Variants in GALNT18 observed in about 807,000 individuals in gnomAD.
The protein encoded by GALNT18 is polypeptide N-acetylgalactosaminyltransferase 18.
Under a neutral mutation model 69.5 loss-of-function variants are expected in GALNT18, and 44 were observed. The ratio of observed to expected loss-of-function variants is 0.63; its 90% CI spans 0.50 to 0.81. GALNT18 has a LOEUF of 0.81. Among genes scored for constraint, GALNT18 ranks in the 40% least tolerant of loss-of-function variants. GALNT18 has a pLI of 0.00. For missense variants in GALNT18, 715 were observed against 810.0 expected, an observed-to-expected ratio of 0.88 and a Z score of 1.42; for synonymous variants, 364 against 318.2, an observed-to-expected ratio of 1.14 and a Z score of -1.53.
intron 3 of GALNT18, among the ~76,000 whole-genome samples, chr11:11,390,858 C>A (rs1854171870): frequency 6.6e-6 from 1 of 152,174 alleles, no homozygotes; most frequent in Admixed American, 6.5e-5. Context: ...TCAATTTAAT[C>A]CCCAGCTCTG....
At chr11:11,300,996 T>A (rs1352719644) in intron 9 of GALNT18, among the ~76,000 whole-genome samples, 1 of 152,144 alleles carries the variant, frequency 6.6e-6, no homozygotes, top group Non-Finnish European at 1.5e-5. Context: ...CAGATCGGGA[T>A]CTAGCTTGCC....
intron 1 of GALNT18, among the ~76,000 whole-genome samples, chr11:11,530,653 C>T (rs1405372666): frequency 1.3e-5 from 2 of 152,216 alleles, no homozygotes; most frequent in Non-Finnish European, 2.9e-5. Context: ...AGGCCAAGCT[C>T]CTGACCTCCA....
At chr11:11,312,225 A>G (rs1470758826) in intron 9 of GALNT18, among the ~76,000 whole-genome samples, 1 of 152,184 alleles carries the variant, frequency 6.6e-6, no homozygotes, top group African/African-American at 2.4e-5. Flanking sequence ...CTGGGATTAC[A>G]GTCGTGAGCC....
rs935720285 is a variant in GALNT18 at position 11,387,809 on chromosome 11, A to C, written c.596-8545T>G. On this transcript the variant is annotated intron_variant, in intron 3 of 10. Transcript: ENST00000227756. This position sits in a 1 kb window ranked among gnomAD's most constrained non-coding sequence, Gnocchi z 4.6. ...AGGACTCAGATGGTCCTGCTGATGAATGATGGTGAGCCTGGCTTGGGCAGC... is the reference window on the plus strand; with the variant it reads ...AGGACTCAGATGGTCCTGCTGATGACTGATGGTGAGCCTGGCTTGGGCAGC... 6.6e-6 allele frequency among the ~76,000 whole-genome samples: 1 copy of C among 152,198 alleles called. No individual in the cohort carries two copies. Among genetic ancestry groups the C allele is most frequent in the Non-Finnish European group, 1.5e-5 (1 of 68,026 alleles).
intron 1 of GALNT18, among the ~76,000 whole-genome samples, chr11:11,474,211 C>G (rs1040469187): frequency 6.6e-6 from 1 of 152,184 alleles, no homozygotes; most frequent in African/African-American, 2.4e-5. Context: ...GTGGTCAACA[C>G]AGGTCATAGG....
rs1313706591 is a variant in GALNT18 at position 11,592,291 on chromosome 11, C to G, written c.235+29068G>C. Among the ~76,000 whole-genome samples the G allele has an allele frequency of 6.6e-6, 1 of 152,110 alleles. No individual in the cohort carries two copies. The highest frequency in any genetic ancestry group is 1.5e-5 in the Non-Finnish European group (1 of 68,030). On this transcript the variant is annotated intron_variant, in intron 1 of 10. Transcript: ENST00000227756. This position sits in a 1 kb window ranked among gnomAD's most constrained non-coding sequence, Gnocchi z 5.9. ...AAGTGAAATGCTAAGAAATTATATG[C>G]ACGGTTACGAAAAAAAATCAAAGAT...
Position 11,432,270 on chromosome 11 carries a change from C to A in GALNT18, c.595+351G>T, listed in dbSNP as rs1855282161. On this transcript the variant is annotated intron_variant, in intron 3 of 10. Transcript: ENST00000227756. This position sits in a 1 kb window ranked among gnomAD's most constrained non-coding sequence, Gnocchi z 5.8. Reference sequence around the variant, plus strand: ...ATCTTCCAGGCAGAGGCTGTGGAACCCTACTAGGTGAAATGATGCATCATG... The same window carrying A: ...ATCTTCCAGGCAGAGGCTGTGGAACACTACTAGGTGAAATGATGCATCATG... 6.6e-6 allele frequency among the ~76,000 whole-genome samples: 1 copy of A among 152,154 alleles called. No individual in the cohort carries two copies. The highest frequency in any genetic ancestry group is 1.5e-5 in the Non-Finnish European group (1 of 68,030).
In GALNT18 at chr11:11,356,498, C is replaced by CT. The variant is rs1013322000; in HGVS notation, c.1093-15495dup. On this transcript the variant is annotated intron_variant, in intron 6 of 10. Transcript: ENST00000227756. The surrounding 1 kb of genome is among the most constrained non-coding windows in gnomAD (Gnocchi z 4.4). ...CAGGTTTCTTTGGCTTTTGTTTTTG[C>CT]TTTTTTCCAAAATTCAGGAAATTAA... 3.3e-5 allele frequency among the ~76,000 whole-genome samples: 5 copies of CT among 152,110 alleles called. No individual in the cohort carries two copies. The highest frequency in any genetic ancestry group is 7.2e-5 in the African/African-American group (3 of 41,406).
At chr11:11,316,169 T>G (rs957266840) in intron 9 of GALNT18, among the ~76,000 whole-genome samples, 4 of 152,196 alleles carry the variant, frequency 2.6e-5, no homozygotes, top group African/African-American at 7.2e-5. Flanking sequence ...AGCAGACACC[T>G]GAGCAATGAA....
In GALNT18 at chr11:11,591,464, C is replaced by T. The variant is rs1859360270; in HGVS notation, c.235+29895G>A. Among the ~76,000 whole-genome samples, 1 of 152,162 alleles carries T rather than the reference C, an allele frequency of 6.6e-6. No homozygotes were observed. The highest frequency in any genetic ancestry group is 6.5e-5 in the Admixed American group (1 of 15,280). On this transcript the variant is annotated intron_variant, in intron 1 of 10. Transcript: ENST00000227756. The surrounding 1 kb of genome is among the most constrained non-coding windows in gnomAD (Gnocchi z 4.8). ...TCTCATCCATGTTTCTCAGGCTCCT[C>T]ATTTGTAAATGCAAATTATTCCAAT...
intron 1 of GALNT18, among the ~76,000 whole-genome samples, chr11:11,482,126 G>C (rs888707081): frequency 2.6e-5 from 4 of 152,190 alleles, no homozygotes; most frequent in Admixed American, 1.3e-4. Flanking sequence ...AGCTTAACAT[G>C]CAGCTCCTGG....
intron 3 of GALNT18, among the ~76,000 whole-genome samples, chr11:11,392,949 A>G (rs939813633): frequency 6.6e-6 from 1 of 152,210 alleles, no homozygotes; most frequent in African/African-American, 2.4e-5. Flanking sequence ...AGACTTTGCC[A>G]TCTTTCCTCC....
intron 1 of GALNT18, among the ~76,000 whole-genome samples, chr11:11,501,253 G>T (rs1590055955): frequency 6.6e-6 from 1 of 152,170 alleles, no homozygotes; most frequent in East Asian, 1.9e-4. Flanking sequence ...CGTGGTTTGT[G>T]TTAGAAAAAA....
At chr11:11,349,734 C>G (rs1016263687) in intron 6 of GALNT18, among the ~76,000 whole-genome samples, 3 of 152,176 alleles carry the variant, frequency 2.0e-5, no homozygotes, top group Admixed American at 6.5e-5. Flanking sequence ...GTGCACTTTA[C>G]TTGGTGTTCT....
intron 1 of GALNT18, among the ~76,000 whole-genome samples, chr11:11,481,026 T>G (rs1440342778): frequency 6.6e-6 from 1 of 152,106 alleles, no homozygotes; most frequent in Non-Finnish European, 1.5e-5. Context: ...CTTCTCCAAG[T>G]TCCTCAGCAC....
chr11:11,538,854 C>T lies in GALNT18; in HGVS notation c.235+82505G>A, dbSNP rs1262899688. Among the ~76,000 whole-genome samples, 1 of 152,294 alleles carries T rather than the reference C, an allele frequency of 6.6e-6. No individual in the cohort carries two copies. The highest frequency in any genetic ancestry group is 6.5e-5 in the Admixed American group (1 of 15,306). ...TTCATGGCTGTGGTTCCCATCTGCA[C>T]AGCACTGCCTGGCCTCCCACCCAAA... On this transcript the variant is annotated intron_variant, in intron 1 of 10. Transcript: ENST00000227756. The surrounding 1 kb of genome is among the most constrained non-coding windows in gnomAD (Gnocchi z 5.2).
intron 9 of GALNT18, among the ~76,000 whole-genome samples, chr11:11,300,281 T>C (rs1189516066): frequency 6.6e-6 from 1 of 152,168 alleles, no homozygotes; most frequent in South Asian, 2.1e-4. Flanking sequence ...CTGCTGAGCC[T>C]CCTGCATGGG....
At chr11:11,593,065 C>A (rs1022323797) in intron 1 of GALNT18, among the ~76,000 whole-genome samples, 1 of 152,132 alleles carries the variant, frequency 6.6e-6, no homozygotes, top group African/African-American at 2.4e-5. Context: ...ACAGGCACCC[C>A]CCAACGCTCG....
At chr11:11,280,321 G>T (rs912780226) in intron 10 of GALNT18, among the ~76,000 whole-genome samples, 20 of 152,154 alleles carry the variant, frequency 1.3e-4, no homozygotes, top group African/African-American at 4.3e-4. Flanking sequence ...TCCCCATGCT[G>T]AAAGAGACCT....
Sources: allele counts gnomAD v4.1 joint callset (sites outside exome capture counted in the v4.1 genomes callset), GRCh38; gene constraint gnomAD v4.1.1; non-coding constraint Gnocchi (gnomAD v3.1); transcripts MANE v1.5; gene names NCBI Gene and HGNC (gene_info 2026-07-23, HGNC 2026-07-21).